FOXN3: variants seen among roughly 807,000 people sequenced by gnomAD.
FOXN3 encodes forkhead box N3.
A neutral mutation model predicts 38.4 loss-of-function variants in FOXN3; 7 were observed. The ratio of observed to expected loss-of-function variants is 0.18; its 90% CI spans 0.10 to 0.34. The LOEUF is 0.34. Ranked by LOEUF, FOXN3 falls within the 10% of genes least tolerant of loss-of-function variation. The pLI is 1.00. For synonymous variants in FOXN3, 230 were observed against 242.2 expected, an observed-to-expected ratio of 0.95 and a Z score of 0.47; for missense variants, 456 against 613.4, an observed-to-expected ratio of 0.74 and a Z score of 2.71.
rs1887066379 is a variant in FOXN3, at chr14:89,160,228, C to T, written c.*2186G>A. 8.6e-6 allele frequency: 1 copy of T among 116,516 alleles called. No homozygotes were observed. Among genetic ancestry groups the T allele is most frequent in the Non-Finnish European group, 1.7e-5 (1 of 59,644 alleles). The allele number at this position is 116,516 out of a possible 1,614,324, so 7.2% of individuals were successfully genotyped here. On this transcript the variant is annotated 3_prime_UTR_variant, in exon 6 of 6. Transcript: ENST00000557258. ...CTCTTTGTACCCCCGCCCCCCGCCC[C>T]CGCCATTAAAGAAAATTTCTTAGGC...
At chr14:89,458,699 C>T (rs1161081801) in intron 1 of FOXN3, among the ~76,000 whole-genome samples, 1 of 152,140 alleles carries the variant, frequency 6.6e-6, no homozygotes, top group Non-Finnish European at 1.5e-5. Context: ...CCTCTCAACA[C>T]TGCAGGCTAT....
At chr14:89,191,963 C>CATATATATATATATATATATATAT (rs1388896583) in intron 4 of FOXN3, among the ~76,000 whole-genome samples, 1 of 73,022 alleles carries the variant, frequency 1.4e-5, no homozygotes, top group African/African-American at 8.7e-5. Flanking sequence ...TATATATATA[C>CATATATATATATATATATATATAT]ACATATATAT....
intron 1 of FOXN3, among the ~76,000 whole-genome samples, chr14:89,589,416 T>C (rs1895907780): frequency 6.6e-6 from 1 of 152,088 alleles, no homozygotes; most frequent in Non-Finnish European, 1.5e-5. Flanking sequence ...TTTTGAAAAA[T>C]CTCAAGATGG....
intron 3 of FOXN3, among the ~76,000 whole-genome samples, chr14:89,344,421 C>T (rs895614511): frequency 6.6e-6 from 1 of 152,172 alleles, no homozygotes; most frequent in Admixed American, 6.5e-5. Flanking sequence ...AACCAATCAT[C>T]CAGGAAACTC....
At chr14:89,450,172 C>G (rs1459770432) in intron 1 of FOXN3, among the ~76,000 whole-genome samples, 1 of 152,222 alleles carries the variant, frequency 6.6e-6, no homozygotes, top group Non-Finnish European at 1.5e-5. Context: ...ACACTCTCTG[C>G]TCTTGCAAGT....
chr14:89,218,089 T>A (rs557760916), intron 4 of FOXN3, among the ~76,000 whole-genome samples: 1 of 152,360 alleles, frequency 6.6e-6, no homozygotes, highest in South Asian at 2.1e-4. Context: ...GACATTTTTA[T>A]GGTTCCTGGG....
chr14:89,485,388 G>A (rs1893426495), intron 1 of FOXN3, among the ~76,000 whole-genome samples: 1 of 152,054 alleles, frequency 6.6e-6, no homozygotes, highest in African/African-American at 2.4e-5. Context: ...ATAAATGCGT[G>A]TTCTTAACTT....
intron 4 of FOXN3, among the ~76,000 whole-genome samples, chr14:89,231,648 C>T (rs1884812107): frequency 6.6e-6 from 1 of 152,042 alleles, no homozygotes. Context: ...TCAGCCAGGG[C>T]CCTAAGGGAC....
intron 3 of FOXN3, among the ~76,000 whole-genome samples, chr14:89,323,396 C>CA (rs1887951269): frequency 1.3e-5 from 2 of 151,558 alleles, no homozygotes; most frequent in Admixed American, 1.3e-4. Flanking sequence ...GACACCTGAG[C>CA]AAAGACCCAA....
At chr14:89,237,583 G>A (rs993532875) in intron 4 of FOXN3, among the ~76,000 whole-genome samples, 3 of 152,164 alleles carry the variant, frequency 2.0e-5, no homozygotes, top group Non-Finnish European at 4.4e-5. Context: ...AGATGTTACC[G>A]CTGGGAGAAA....
intron 1 of FOXN3, among the ~76,000 whole-genome samples, chr14:89,436,015 T>TA (rs1368789488): frequency 1.6e-3 from 249 of 151,158 alleles, no homozygotes; most frequent in African/African-American, 5.8e-3. Context: ...CTTTATTATT[T>TA]TTTTTTTCAG....
chr14:89,577,350 T>G (rs1056216010), intron 1 of FOXN3: 2 of 152,132 alleles, frequency 1.3e-5, no homozygotes, highest in Admixed American at 1.3e-4. Context: ...ATAAATAAAA[T>G]TATAAGGATA....
chr14:89,364,290 A>T (rs1237522562), intron 2 of FOXN3: 4 of 149,484 alleles, frequency 2.7e-5, no homozygotes, highest in Middle Eastern at 3.5e-3. Flanking sequence ...GTAATAACTG[A>T]GAGAAAGTTT....
intron 1 of FOXN3, among the ~76,000 whole-genome samples, chr14:89,497,520 C>T (rs1306857732): frequency 6.6e-6 from 1 of 151,434 alleles, no homozygotes; most frequent in African/African-American, 2.4e-5. Context: ...AATTCTTCTG[C>T]CTCAGCCTCC....
Position 89,284,441 on chromosome 14 carries a change from G to A in FOXN3, c.681-3427C>T, listed in dbSNP as rs12436455. 2,503 of 455,948 alleles carry A rather than the reference G, an allele frequency of 5.5e-3. 50 individuals are homozygous for A. The highest frequency in any genetic ancestry group is 0.044 in the African/African-American group (2,199 of 50,136). The allele number at this position is 455,948 out of a possible 1,614,324, so 28.2% of individuals were successfully genotyped here. ...TGCCCACTGTACCATAGAGACACAC[G>A]CATCAACAGCTCCAATTTCATTTCT... On this transcript the variant is annotated intron_variant, in intron 3 of 5. Transcript: ENST00000557258.
At chr14:89,351,791 T>C (rs1888983415) in intron 2 of FOXN3, among the ~76,000 whole-genome samples, 1 of 152,210 alleles carries the variant, frequency 6.6e-6, no homozygotes, top group African/African-American at 2.4e-5. Context: ...AACAGTAAGA[T>C]TGATGTTGTC....
intron 3 of FOXN3, among the ~76,000 whole-genome samples, chr14:89,285,922 C>T (rs2110704): frequency 0.55 from 81,261 of 149,002 alleles, 22,166 homozygotes; most frequent in East Asian, 0.67. Flanking sequence ...GCTGGAGTGT[C>T]GTGGCACAAT....
chr14:89,350,575 A>T (rs1888929140), intron 3 of FOXN3, 97 bp downstream of exon 3: 1 of 1,082,694 alleles, frequency 9.2e-7, no homozygotes, highest in South Asian at 2.2e-5. Flanking sequence ...AGTTATTTTT[A>T]AAATCTCGTA....
At chr14:89,407,700 A>G (rs1891431117) in intron 2 of FOXN3, among the ~76,000 whole-genome samples, 1 of 152,064 alleles carries the variant, frequency 6.6e-6, no homozygotes, top group Non-Finnish European at 1.5e-5. Flanking sequence ...TTAGCCAGGC[A>G]TGGTGGTATG....
Sources: gnomAD v4.1 joint callset for allele counts (sites outside exome capture counted in the v4.1 genomes callset) on GRCh38, gnomAD v4.1.1 for gene constraint, MANE v1.5 for transcripts, NCBI Gene and HGNC (gene_info 2026-07-23, HGNC 2026-07-21) for gene names.